The following CCL28 variants were observed in gnomAD, a reference collection of about 807,000 sequenced individuals.
CCL28 encodes C-C motif chemokine 28.
A neutral mutation model predicts 7.1 loss-of-function variants in CCL28; 4 were observed. The ratio of observed to expected loss-of-function variants is 0.56; its 90% CI spans 0.28 to 1.29. The LOEUF is 1.29. CCL28 is among the 50% of genes most tolerant of loss of function. The probability of loss-of-function intolerance (pLI) is 0.11; values close to 1 mark genes in which losing one functional copy is unlikely to be tolerated. For synonymous variants in CCL28, 55 were observed against 57.8 expected (o/e 0.95, Z 0.22); for missense variants, 151 against 163.4 (o/e 0.92, Z 0.41).
intron 1 of CCL28, among the ~76,000 whole-genome samples, chr5:43,403,429 A>G (rs1057315686): frequency 2.0e-5 from 3 of 152,242 alleles, no homozygotes; most frequent in Non-Finnish European, 4.4e-5. Flanking sequence ...GCAAACTCCA[A>G]CAGACCTGCA....
At chr5:43,374,078 T>G (rs1262118629), downstream of CCL28, among the ~76,000 whole-genome samples, 1 of 152,224 alleles carries the variant, frequency 6.6e-6, no homozygotes, top group Non-Finnish European at 1.5e-5. Flanking sequence ...TAGAAGTTGG[T>G]CATCTCAAGA....
chr5:43,387,675 G>A (rs115340428), intron 2 of CCL28, among the ~76,000 whole-genome samples: 1,605 of 152,286 alleles, frequency 0.011, 12 homozygotes, highest in Middle Eastern at 0.02. Flanking sequence ...TGTCACCCAG[G>A]TTGGAGTGCA....
intron 2 of CCL28, among the ~76,000 whole-genome samples, chr5:43,385,412 A>G (rs1432952892): frequency 1.3e-5 from 2 of 152,254 alleles, no homozygotes; most frequent in African/African-American, 2.4e-5. Flanking sequence ...ATTAATTGTT[A>G]TTAGTAATAC....
At chr5:43,406,449 T>C (rs1466096340) in intron 1 of CCL28, among the ~76,000 whole-genome samples, 132 of 151,990 alleles carry the variant, frequency 8.7e-4, no homozygotes, top group African/African-American at 3.1e-3. Context: ...ATTCAACAAC[T>C]CTTCATGCTA....
the CCL28 span, among the ~76,000 whole-genome samples, chr5:43,360,516 G>C: frequency 6.6e-6 from 1 of 152,144 alleles, no homozygotes; most frequent in Admixed American, 6.5e-5. Context: ...GTGAGAACAT[G>C]TGGTATTTGG....
chr5:43,362,014 T>A, the CCL28 span, among the ~76,000 whole-genome samples: 2 of 151,866 alleles, frequency 1.3e-5, no homozygotes, highest in African/African-American at 4.9e-5. Flanking sequence ...TTAAAATAGT[T>A]TTTTTTAGTT....
chr5:43,381,769 T>C lies in CCL28; in HGVS notation c.*91A>G. 1.8e-6 allele frequency: 2 copies of C among 1,106,298 alleles called. No homozygotes were observed. Among genetic ancestry groups the C allele is most frequent in the Admixed American group, 4.5e-5 (2 of 44,370 alleles). The allele number at this position is 1,106,298 out of a possible 1,614,324, so 68.5% of individuals were successfully genotyped here. A position where few individuals can be genotyped will look rare whatever the true frequency, so the allele number is the denominator to read the frequency against. On this transcript the variant is annotated 3_prime_UTR_variant, in exon 3 of 3. Coordinates refer to ENST00000361115, the MANE Select transcript of CCL28 (RefSeq NM_148672.3). The stretch of plus-strand genomic sequence containing the variant: ...CAATATTTTGTTTTGTTCTGTTGTC[T>C]ACAATAAGGAGAATTCAGATGATAA...
Position 43,381,254 on chromosome 5 carries a change from T to TA in CCL28, c.*605dup, listed in dbSNP as rs1740099014. 1 of 152,210 alleles carries TA rather than the reference T, an allele frequency of 6.6e-6. No homozygotes were observed. Among genetic ancestry groups the TA allele is most frequent in the Non-Finnish European group, 1.5e-5 (1 of 68,038 alleles). 9.4% of individuals were successfully genotyped at this position (152,210 alleles called of 1,614,324 possible). A position where few individuals can be genotyped will look rare whatever the true frequency, so the allele number is the denominator to read the frequency against. On this transcript the variant is annotated 3_prime_UTR_variant, in exon 3 of 3. Coordinates refer to ENST00000361115, the MANE Select transcript of CCL28 (RefSeq NM_148672.3). Reference sequence around the variant, plus strand: ...CAATGATTAATATTGTGGTGAAAGATATATAGATGTTCATTGTACCATTCT... The same window carrying TA: ...CAATGATTAATATTGTGGTGAAAGATAATATAGATGTTCATTGTACCATTCT...
In CCL28 at chr5:43,381,845, T is replaced by C. The variant is rs752961624; in HGVS notation, c.*15A>G. On this transcript the variant is annotated 3_prime_UTR_variant, in exon 3 of 3. Coordinates refer to ENST00000361115, the MANE Select transcript of CCL28 (RefSeq NM_148672.3). ...CACTTGAGGAATTGTCTCTGTAGAT[T>C]TATCTGTAGACTCTCTAATAAGGAG... 5 of 1,592,466 alleles carry C rather than the reference T, an allele frequency of 3.1e-6. No homozygotes were observed. The highest frequency in any genetic ancestry group is 4.3e-6 in the Non-Finnish European group (5 of 1,165,970).
intron 1 of CCL28, 40 bp downstream of exon 1, chr5:43,412,213 C>A: frequency 1.3e-6 from 2 of 1,561,434 alleles, no homozygotes; most frequent in Non-Finnish European, 1.8e-6. Context: ...AGATACCCCC[C>A]TTTCCAGTGA....
intron 2 of CCL28, among the ~76,000 whole-genome samples, chr5:43,384,542 G>T (rs990858405): frequency 6.6e-6 from 1 of 152,056 alleles, no homozygotes; most frequent in Non-Finnish European, 1.5e-5. Flanking sequence ...TCCCCTACTC[G>T]CAATTCCATA....
intron 1 of CCL28, among the ~76,000 whole-genome samples, chr5:43,405,250 A>C (rs1251537983): frequency 6.6e-6 from 1 of 152,204 alleles, no homozygotes; most frequent in East Asian, 1.9e-4. Flanking sequence ...GTTGGAAGTA[A>C]AGCACTGCTC....
chr5:43,389,842 G>A (rs1740498624), intron 1 of CCL28, among the ~76,000 whole-genome samples: 1 of 152,162 alleles, frequency 6.6e-6, no homozygotes, highest in African/African-American at 2.4e-5. Context: ...GAAAATATAA[G>A]AGGCCAGGAA....
the CCL28 span, among the ~76,000 whole-genome samples, chr5:43,367,520 G>A: frequency 2.0e-5 from 3 of 152,218 alleles, no homozygotes; most frequent in Admixed American, 6.5e-5. Flanking sequence ...CCTGGGTGAG[G>A]GGATGCCCCA....
At chr5:43,378,135 G>C (rs1739963474), downstream of CCL28, among the ~76,000 whole-genome samples, 1 of 135,548 alleles carries the variant, frequency 7.4e-6, no homozygotes, top group Non-Finnish European at 1.5e-5. Flanking sequence ...TTAAGCCCAG[G>C]AGTTCAAGAC....
chr5:43,377,428 G>A (rs937818940), downstream of CCL28: 1 of 146,822 alleles, frequency 6.8e-6, no homozygotes, highest in African/African-American at 2.5e-5. Flanking sequence ...TGAGGCAAAG[G>A]TTGGGGTGAA....
chr5:43,367,211 G>T, the CCL28 span, among the ~76,000 whole-genome samples: 3 of 152,130 alleles, frequency 2.0e-5, no homozygotes, highest in African/African-American at 7.2e-5. Flanking sequence ...TTGGCTCCCT[G>T]GCCTCAGCCC....
At chr5:43,358,914 G>A in the CCL28 span, among the ~76,000 whole-genome samples, 1 of 152,176 alleles carries the variant, frequency 6.6e-6, no homozygotes, top group Non-Finnish European at 1.5e-5. Context: ...CAGGCTGACT[G>A]TCCTCACTCA....
At chr5:43,389,244 T>C (rs553204224) in intron 1 of CCL28, among the ~76,000 whole-genome samples, 3 of 152,344 alleles carry the variant, frequency 2.0e-5, no homozygotes, top group South Asian at 2.1e-4. Flanking sequence ...TCTGTGAATA[T>C]ATTGAAGACC....
Sources: allele counts gnomAD v4.1 joint callset (sites outside exome capture counted in the v4.1 genomes callset), GRCh38; gene constraint gnomAD v4.1.1; transcripts MANE v1.5; gene names NCBI Gene and HGNC (gene_info 2026-07-23, HGNC 2026-07-21).